Variants in SLC30A10 observed in about 807,000 individuals in gnomAD.
The protein encoded by SLC30A10 is calcium/manganese antiporter SLC30A10.
Under a neutral mutation model 21.7 loss-of-function variants are expected in SLC30A10, and 8 were observed. The observed-to-expected ratio is 0.37, with a 90% confidence interval of 0.22 to 0.67. The LOEUF is 0.67. Among genes scored for constraint, SLC30A10 ranks in the 30% least tolerant of loss-of-function variants. The probability of loss-of-function intolerance (pLI) is 0.58; values close to 1 mark genes in which losing one functional copy is unlikely to be tolerated. For synonymous variants in SLC30A10, 272 were observed against 279.4 expected (o/e 0.97, Z 0.26); for missense variants, 521 against 642.5 (o/e 0.81, Z 2.04).
intron 2 of SLC30A10, among the ~76,000 whole-genome samples, chr1:219,921,467 T>G (rs1324326002): frequency 6.6e-6 from 1 of 152,164 alleles, no homozygotes; most frequent in African/African-American, 2.4e-5. Context: ...CAATTTCAGC[T>G]TTTCCTTCTG....
At chr1:219,949,783 T>G (rs138773478) in intron 1 of SLC30A10, among the ~76,000 whole-genome samples, 1,564 of 151,008 alleles carry the variant, frequency 0.01, 73 homozygotes, top group East Asian at 0.084. Flanking sequence ...AAAATAAAAA[T>G]AAAAAAAGAA....
chr1:219,923,852 G>A (rs528832212), intron 2 of SLC30A10, among the ~76,000 whole-genome samples: 16 of 152,288 alleles, frequency 1.1e-4, no homozygotes, highest in African/African-American at 3.9e-4. Flanking sequence ...CTGAGGTTGG[G>A]AGTTCAAGAC....
At chr1:219,942,400 G>T (rs1218524355) in intron 1 of SLC30A10, among the ~76,000 whole-genome samples, 3 of 151,902 alleles carry the variant, frequency 2.0e-5, no homozygotes, top group Non-Finnish European at 4.4e-5. Flanking sequence ...TTGATCAAAG[G>T]TTGAACCAAA....
rs1356027383 is a variant in SLC30A10 at position 219,911,158 on chromosome 1, T to TTG, written c.*4290_*4291insCA. On this transcript the variant is annotated 3_prime_UTR_variant, in exon 4 of 4. Transcript: ENST00000366926. ...CATTTTTTCTACATCAGTTTTTTTT[T>TTG]TTTTTTTTTTTTTTTTGCAGTCTTT... 4.7e-5 allele frequency among the ~76,000 whole-genome samples: 5 copies of TTG among 106,946 alleles called. No homozygotes were observed. The highest frequency in any genetic ancestry group is 1.0e-4 in the Admixed American group (1 of 9,886). The allele number at this position is 106,946 out of a possible 152,430, so 70.2% of individuals were successfully genotyped here.
chr1:219,940,546 T>C (rs1231746672), intron 1 of SLC30A10, among the ~76,000 whole-genome samples: 1 of 152,152 alleles, frequency 6.6e-6, no homozygotes, highest in Non-Finnish European at 1.5e-5. Context: ...AGAACCACCA[T>C]GTGAAAGATT....
chr1:219,941,272 G>T (rs1313725319), intron 1 of SLC30A10, among the ~76,000 whole-genome samples: 1 of 152,202 alleles, frequency 6.6e-6, no homozygotes, highest in African/African-American at 2.4e-5. Context: ...CAAATTTGAA[G>T]CCTTCAAAAC....
At chr1:219,947,694 T>G (rs1040611259) in intron 1 of SLC30A10, among the ~76,000 whole-genome samples, 15 of 152,000 alleles carry the variant, frequency 9.9e-5, no homozygotes, top group African/African-American at 3.4e-4. Context: ...GGCTCACACC[T>G]GTAATCACGC....
chr1:219,919,096 A>T (rs1215371919), intron 2 of SLC30A10: 1 of 152,232 alleles, frequency 6.6e-6, no homozygotes, highest in Non-Finnish European at 1.5e-5. Flanking sequence ...ACAATAAAAT[A>T]AAATTAAAAT....
chr1:219,913,089 G>A lies in SLC30A10; in HGVS notation c.*2360C>T, dbSNP rs1659452911. On this transcript the variant is annotated 3_prime_UTR_variant, in exon 4 of 4. Coordinates refer to ENST00000366926, the MANE Select transcript of SLC30A10 (RefSeq NM_018713.3). ...AGAATTAAAAGGCAGGACAATTAAAGAGAGAGTGAAACCCAAGTGAAAATA... is the reference window on the plus strand; with the variant it reads ...AGAATTAAAAGGCAGGACAATTAAAAAGAGAGTGAAACCCAAGTGAAAATA... Among the ~76,000 whole-genome samples, 1 of 152,238 alleles carries A rather than the reference G, an allele frequency of 6.6e-6. No homozygotes were observed. Among genetic ancestry groups the A allele is most frequent in the Non-Finnish European group, 1.5e-5 (1 of 68,026 alleles).
chr1:219,936,062 G>C (rs1454197459), intron 1 of SLC30A10, among the ~76,000 whole-genome samples: 1 of 152,100 alleles, frequency 6.6e-6, no homozygotes, highest in Admixed American at 6.6e-5. Flanking sequence ...ATCTGGACTG[G>C]GAGACACTAT....
intron 1 of SLC30A10, among the ~76,000 whole-genome samples, chr1:219,954,309 T>C (rs1420232235): frequency 6.6e-6 from 1 of 151,782 alleles, no homozygotes; most frequent in Non-Finnish European, 1.5e-5. Flanking sequence ...AGCGAGTTGG[T>C]TGGAGAAACA....
Position 219,927,658 on chromosome 1 carries a change from A to AC in SLC30A10, c.640+142_640+143insG. ...TTTATTAAAAAAAAAAAAAAAAAAA[A>AC]AAAAAAAAAACAACAACAACAAAAA... On this transcript the variant is annotated intron_variant, in intron 1 of 3. Transcript: ENST00000366926. 5.1e-6 allele frequency: 3 copies of AC among 589,860 alleles called. No homozygotes were observed. In the South Asian group the frequency reaches 1.5e-4, roughly 30 times the overall value. 36.5% of individuals were successfully genotyped at this position (589,860 alleles called of 1,614,324 possible).
chr1:219,955,259 G>A (rs117491193), intron 1 of SLC30A10, among the ~76,000 whole-genome samples: 2 of 152,150 alleles, frequency 1.3e-5, no homozygotes, highest in East Asian at 3.9e-4. Flanking sequence ...ACCCTATTTT[G>A]TTTGTTTGTC....
At chr1:219,930,585 T>A (rs535568828), upstream of SLC30A10, among the ~76,000 whole-genome samples, 1 of 152,188 alleles carries the variant, frequency 6.6e-6, no homozygotes, top group Non-Finnish European at 1.5e-5. Context: ...ATAACAGCCA[T>A]GCTAAAGCAT....
Position 219,928,171 on chromosome 1 carries a change from G to C in SLC30A10, c.270C>G (p.Thr90=). The C allele has an allele frequency of 1.3e-6, 2 of 1,559,922 alleles. No homozygotes were observed. The highest frequency in any genetic ancestry group is 1.7e-6 in the Non-Finnish European group (2 of 1,152,138). ...CCACGAAGATGGTGAAGCAGAGCGC[G>C]GTGAGGAAGACCGCGTTGCTCAGCG... ...VGALSNAVFL[T]ALCFTIFVEA... The change falls in exon 1 of 4, where the codon ACC becomes ACG. Residue 90 remains threonine, a synonymous_variant. Coordinates refer to ENST00000366926, the MANE Select transcript of SLC30A10 (RefSeq NM_018713.3). This position sits in a 1 kb window ranked among gnomAD's most constrained non-coding sequence, Gnocchi z 6.3.
At chr1:219,952,902 A>G (rs896192668) in intron 1 of SLC30A10, among the ~76,000 whole-genome samples, 4 of 152,118 alleles carry the variant, frequency 2.6e-5, no homozygotes, top group African/African-American at 9.7e-5. Context: ...TCTTCCTTTA[A>G]TCTTTCTTAT....
In SLC30A10 at chr1:219,920,856, T is replaced by G. The variant is rs561348968; in HGVS notation, c.719-2362A>C. Among the ~76,000 whole-genome samples the G allele has an allele frequency of 1.5e-4, 23 of 152,312 alleles. No homozygotes were observed. In the South Asian group the frequency reaches 4.8e-3, roughly 32 times the overall value. On this transcript the variant is annotated intron_variant, in intron 2 of 3. Transcript: ENST00000366926. Reference sequence around the variant, plus strand: ...GTTGTATGTCTGAATTCAGTCTTTTTCCTTACCTGCATTGCTCTGTAAAAT... The same window carrying G: ...GTTGTATGTCTGAATTCAGTCTTTTGCCTTACCTGCATTGCTCTGTAAAAT...
In SLC30A10 at chr1:219,918,113, C is replaced by A. The variant is rs1296854743; in HGVS notation, c.958+142G>T. The A allele has an allele frequency of 7.1e-6, 8 of 1,123,720 alleles. No homozygotes were observed. The highest frequency in any genetic ancestry group is 4.6e-5 in the Admixed American group (2 of 43,798). The allele number at this position is 1,123,720 out of a possible 1,614,324, so 69.6% of individuals were successfully genotyped here. ...TGAGTCATCTTAATAGGCTATAAAA[C>A]ATATGATGACATCTCTACCACCTGG... On this transcript the variant is annotated intron_variant, in intron 3 of 3. Transcript: ENST00000366926. This position sits in a 1 kb window ranked among gnomAD's most constrained non-coding sequence, Gnocchi z 4.4.
chr1:219,916,700 G>A (rs1161769169), intron 3 of SLC30A10, among the ~76,000 whole-genome samples: 11 of 152,032 alleles, frequency 7.2e-5, no homozygotes, highest in Non-Finnish European at 1.5e-5. Context: ...TAGAGAGATG[G>A]TATTCAGTGC....
Sources: gnomAD v4.1 joint callset for allele counts (sites outside exome capture counted in the v4.1 genomes callset) on GRCh38, gnomAD v4.1.1 for gene constraint, Gnocchi (gnomAD v3.1) non-coding constraint, MANE v1.5 for transcripts, NCBI Gene and HGNC (gene_info 2026-07-23, HGNC 2026-07-21) for gene names.